Variants in STPG2 observed in about 807,000 individuals in gnomAD.
STPG2 encodes sperm tail PG-rich repeat containing 2, also known as sperm-tail PG-rich repeat-containing protein 2.
In STPG2, 56 loss-of-function variants were observed where a neutral mutation model predicts 54.2. The observed-to-expected ratio is 1.03, with a 90% CI of 0.83 to 1.29. The LOEUF is 1.29. Ranked by LOEUF, STPG2 falls within the 50% of genes most tolerant of loss-of-function variation. The pLI is 0.00. For missense variants in STPG2, 596 were observed against 544.9 expected, an observed-to-expected ratio of 1.09 and a Z score of -0.93; for synonymous variants, 200 against 181.8, an observed-to-expected ratio of 1.10 and a Z score of -0.81.
At chr4:97,574,834 A>T (rs1201081041) in intron 10 of STPG2, among the ~76,000 whole-genome samples, 1 of 152,046 alleles carries the variant, frequency 6.6e-6, no homozygotes, top group Non-Finnish European at 1.5e-5. Context: ...ATCCCACTTC[A>T]TCACTATTTT....
chr4:97,593,279 T>C (rs942601549), intron 10 of STPG2, among the ~76,000 whole-genome samples: 3 of 152,120 alleles, frequency 2.0e-5, no homozygotes, highest in African/African-American at 7.2e-5. Context: ...CATGCTACTT[T>C]GCCAGCAAGC....
intron 8 of STPG2, among the ~76,000 whole-genome samples, chr4:97,906,181 G>T (rs1731409937): frequency 6.6e-6 from 1 of 152,042 alleles, no homozygotes; most frequent in South Asian, 2.1e-4. Context: ...TGATAAAGGG[G>T]ATATCACCAC....
At chr4:97,996,681 C>T (rs1203653000) in intron 5 of STPG2, among the ~76,000 whole-genome samples, 2 of 145,140 alleles carry the variant, frequency 1.4e-5, no homozygotes, top group East Asian at 2.0e-4. Flanking sequence ...ATGTATCTGA[C>T]AAAGATCTAA....
intron 10 of STPG2, among the ~76,000 whole-genome samples, chr4:97,577,686 A>C (rs768037427): frequency 2.0e-4 from 30 of 152,180 alleles, no homozygotes; most frequent in Non-Finnish European, 3.7e-4. Flanking sequence ...GCCTCATACC[A>C]TATGTCATAT....
At chr4:97,800,240 T>C (rs917377558) in intron 9 of STPG2, among the ~76,000 whole-genome samples, 1 of 152,232 alleles carries the variant, frequency 6.6e-6, no homozygotes, top group Non-Finnish European at 1.5e-5. Flanking sequence ...TGCGTTCCTT[T>C]GGAGGAGGAG....
intron 10 of STPG2, among the ~76,000 whole-genome samples, chr4:97,688,095 T>C (rs1723253807): frequency 6.6e-6 from 1 of 152,130 alleles, no homozygotes; most frequent in African/African-American, 2.4e-5. Context: ...AAAACCCAAA[T>C]GATGAAAATC....
intron 10 of STPG2, among the ~76,000 whole-genome samples, chr4:97,567,779 A>G (rs1035104556): frequency 6.6e-6 from 1 of 152,260 alleles, no homozygotes; most frequent in South Asian, 2.1e-4. Flanking sequence ...AGAATAAAAG[A>G]TATACCGCAT....
rs180974233 is a variant in STPG2 at position 97,607,896 on chromosome 4, C to T, written c.1321-48779G>A. On this transcript the variant is annotated intron_variant, in intron 10 of 10. Coordinates refer to ENST00000295268, the MANE Select transcript of STPG2 (RefSeq NM_174952.3). ...TAGGAAAGAGCCCCTAGACCCCACACAAGTACACATGAGGTTCAGTTTTAT... is the reference window on the plus strand; with the variant it reads ...TAGGAAAGAGCCCCTAGACCCCACATAAGTACACATGAGGTTCAGTTTTAT... Among the ~76,000 whole-genome samples the T allele has an allele frequency of 1.2e-3, 179 of 152,104 alleles. 1 individual carries two copies. Among genetic ancestry groups the T allele is most frequent in the South Asian group, 3.5e-3 (17 of 4,826 alleles).
chr4:97,566,408 C>T (rs2148879720), intron 10 of STPG2, among the ~76,000 whole-genome samples: 1 of 152,314 alleles, frequency 6.6e-6, no homozygotes, highest in East Asian at 1.9e-4. Context: ...CAATGCCTCG[C>T]CCTGCTTCGG....
intron 9 of STPG2, among the ~76,000 whole-genome samples, chr4:97,740,876 A>T (rs1326985340): frequency 6.6e-6 from 1 of 152,158 alleles, no homozygotes; most frequent in Admixed American, 6.5e-5. Context: ...TAAAGTTCAT[A>T]TGGAACCAAA....
chr4:98,082,833 C>T (rs1738391477), intron 5 of STPG2, among the ~76,000 whole-genome samples: 2 of 152,060 alleles, frequency 1.3e-5, no homozygotes, highest in South Asian at 2.1e-4. Context: ...CATTGACTCC[C>T]TTTTGCCAAT....
chr4:98,056,470 C>T (rs1175161526), intron 5 of STPG2, among the ~76,000 whole-genome samples: 1 of 152,152 alleles, frequency 6.6e-6, no homozygotes, highest in Non-Finnish European at 1.5e-5. Flanking sequence ...CTCTAAGCCT[C>T]AACAAGCCAG....
chr4:98,023,093 C>T (rs889201638), intron 5 of STPG2, among the ~76,000 whole-genome samples: 2 of 152,192 alleles, frequency 1.3e-5, no homozygotes, highest in South Asian at 2.1e-4. Flanking sequence ...GAGAGGAGCT[C>T]TGCTTTTTTG....
At chr4:98,036,203 T>C (rs933808115) in intron 5 of STPG2, among the ~76,000 whole-genome samples, 5 of 152,038 alleles carry the variant, frequency 3.3e-5, no homozygotes, top group Admixed American at 6.6e-5. Context: ...TTATACACTG[T>C]TGGTGCGACT....
At chr4:97,795,497 TC>T (rs1253961796) in intron 9 of STPG2, among the ~76,000 whole-genome samples, 1 of 152,230 alleles carries the variant, frequency 6.6e-6, no homozygotes, top group Non-Finnish European at 1.5e-5. Context: ...GTTTCCAGCT[TC>T]ATCCATGTCC....
intron 5 of STPG2, among the ~76,000 whole-genome samples, chr4:98,017,984 A>G (rs914308100): frequency 6.6e-6 from 1 of 151,956 alleles, no homozygotes; most frequent in Non-Finnish European, 1.5e-5. Context: ...TGGGACTGTG[A>G]GTCAGTTAAA....
chr4:97,539,050 C>T (rs1489267047), intron 4 of STPG2, among the ~76,000 whole-genome samples: 1 of 152,134 alleles, frequency 6.6e-6, no homozygotes, highest in Admixed American at 6.5e-5. Flanking sequence ...AAGCACTAAA[C>T]ATGGAAAGGA....
At chr4:97,460,261 G>A (rs774370569) in intron 4 of STPG2, among the ~76,000 whole-genome samples, 1 of 151,910 alleles carries the variant, frequency 6.6e-6, no homozygotes, top group Non-Finnish European at 1.5e-5. Flanking sequence ...ACCTGTGATA[G>A]CTTCCTTCTC....
At chr4:97,521,182 G>A (rs534402352) in intron 4 of STPG2, among the ~76,000 whole-genome samples, 1 of 152,006 alleles carries the variant, frequency 6.6e-6, no homozygotes, top group South Asian at 2.1e-4. Flanking sequence ...CATGATCAGT[G>A]TGTCATGTGA....
Sources: allele counts gnomAD v4.1 joint callset (sites outside exome capture counted in the v4.1 genomes callset), GRCh38; gene constraint gnomAD v4.1.1; transcripts MANE v1.5; gene names NCBI Gene and HGNC (gene_info 2026-07-23, HGNC 2026-07-21).